Variants in GLRA2 observed in about 807,000 individuals in gnomAD.
GLRA2 encodes the protein glycine receptor alpha 2.
A neutral mutation model predicts 31.6 loss-of-function variants in GLRA2; 11 were observed. The ratio of observed to expected loss-of-function variants is 0.35; its 90% confidence interval spans 0.22 to 0.58. The LOEUF (loss-of-function observed/expected upper bound fraction) is 0.58. Ranked by LOEUF, GLRA2 falls within the 20% of genes least tolerant of loss-of-function variation. The pLI, the probability that GLRA2 is intolerant of heterozygous loss-of-function variation, is 0.84. For synonymous variants in GLRA2, 132 were observed against 134.0 expected (o/e 0.99, Z 0.10); for missense variants, 212 against 351.8 (o/e 0.60, Z 3.18).
Position 14,531,801 on chromosome X carries a change from A to G in GLRA2, c.69-438A>G, listed in dbSNP as rs1223934594. Among the ~76,000 whole-genome samples, 6 of 111,620 alleles carry G rather than the reference A, an allele frequency of 5.4e-5. No homozygotes were observed. The East Asian group carries it at 1.7e-3, about 31-fold the overall frequency. On this transcript the variant is annotated intron_variant, in intron 1 of 8. Coordinates refer to ENST00000218075, the MANE Select transcript of GLRA2 (RefSeq NM_002063.4). ...ATAAGTTTGTTCTGCCCATCTTATT[A>G]TATATTTCTTATAAAAGGTAGATGA...
the GLRA2 span, among the ~76,000 whole-genome samples, chrX:14,514,870 C>T: frequency 9.0e-6 from 1 of 110,568 alleles, no homozygotes; most frequent in Non-Finnish European, 1.9e-5. Flanking sequence ...ACAATCCTTG[C>T]CTTTCCTAAT....
chrX:14,684,307 T>C (rs1223697402), intron 7 of GLRA2, among the ~76,000 whole-genome samples: 2 of 111,654 alleles, frequency 1.8e-5, no homozygotes, highest in Admixed American at 1.9e-4. Flanking sequence ...AGGCTCTTTT[T>C]TGGTTCCATA....
At chrX:14,537,565 C>A (rs988414793) in intron 2 of GLRA2, among the ~76,000 whole-genome samples, 2 of 111,048 alleles carry the variant, frequency 1.8e-5, no homozygotes, top group African/African-American at 6.5e-5. Flanking sequence ...ATCCCTTGTC[C>A]AATAACTATT....
the GLRA2 span, among the ~76,000 whole-genome samples, chrX:14,490,335 A>T: frequency 8.9e-6 from 1 of 112,110 alleles, no homozygotes; most frequent in African/African-American, 3.2e-5. Context: ...GGCAGAAGGG[A>T]AGGCTAAAAC....
intron 4 of GLRA2, among the ~76,000 whole-genome samples, chrX:14,588,646 T>C (rs2090108492): frequency 8.9e-6 from 1 of 111,809 alleles, no homozygotes; most frequent in Non-Finnish European, 1.9e-5. Context: ...TTGATAGGAA[T>C]AGCATTGAAT....
chrX:14,676,240 G>A (rs2091144948), intron 7 of GLRA2, among the ~76,000 whole-genome samples: 2 of 112,896 alleles, frequency 1.8e-5, no homozygotes, highest in South Asian at 7.2e-4. Context: ...TTGTATAAAT[G>A]TAAGTGGCAC....
At chrX:14,698,301 G>A (rs1334413414) in intron 8 of GLRA2, among the ~76,000 whole-genome samples, 1 of 111,376 alleles carries the variant, frequency 9.0e-6, no homozygotes, top group African/African-American at 3.3e-5. Flanking sequence ...CTAGTTTGGG[G>A]CCCACCTAGT....
chrX:14,527,531 C>T, upstream of GLRA2, among the ~76,000 whole-genome samples: 1 of 109,137 alleles, frequency 9.2e-6, no homozygotes, highest in Middle Eastern at 4.7e-3. Flanking sequence ...AGGAGAATCG[C>T]TTGAACCCGG....
chrX:14,515,080 C>G, the GLRA2 span, among the ~76,000 whole-genome samples: 25 of 110,681 alleles, frequency 2.3e-4, no homozygotes, highest in East Asian at 6.8e-3. Flanking sequence ...CTAATGGTAG[C>G]AAGAATTTCA....
chrX:14,493,983 T>C, the GLRA2 span, among the ~76,000 whole-genome samples: 2 of 110,584 alleles, frequency 1.8e-5, no homozygotes, highest in Admixed American at 9.7e-5. Flanking sequence ...TTTCATACGA[T>C]GTAACATACA....
intron 2 of GLRA2, among the ~76,000 whole-genome samples, chrX:14,551,246 T>C (rs965725670): frequency 1.8e-5 from 2 of 111,966 alleles, no homozygotes; most frequent in African/African-American, 6.5e-5. Context: ...TGTGTTGTTA[T>C]ACACCAAGCC....
chrX:14,480,981 A>G, the GLRA2 span, among the ~76,000 whole-genome samples: 4 of 110,219 alleles, frequency 3.6e-5, no homozygotes, highest in Non-Finnish European at 3.8e-5. Context: ...TGGCCATTTT[A>G]ACGATATTGA....
At chrX:14,467,277 G>A in the GLRA2 span, among the ~76,000 whole-genome samples, 1 of 112,022 alleles carries the variant, frequency 8.9e-6, no homozygotes, top group East Asian at 2.8e-4. Context: ...CCAGGTCAAT[G>A]TTTCCCTAAC....
intron 2 of GLRA2, among the ~76,000 whole-genome samples, chrX:14,536,351 G>C (rs765377780): frequency 1.8e-5 from 2 of 111,671 alleles, no homozygotes; most frequent in African/African-American, 6.5e-5. Context: ...GAGCACAAGC[G>C]TCCACCAGGG....
intron 7 of GLRA2, among the ~76,000 whole-genome samples, chrX:14,681,874 A>C (rs2091205830): frequency 1.2e-5 from 1 of 85,557 alleles, no homozygotes; most frequent in Non-Finnish European, 2.3e-5. Context: ...CCTGGGCAAC[A>C]GTGCGAGACA....
chrX:14,479,268 G>A, the GLRA2 span, among the ~76,000 whole-genome samples: 1 of 112,027 alleles, frequency 8.9e-6, no homozygotes, highest in Non-Finnish European at 1.9e-5. Flanking sequence ...AGCATTACTG[G>A]GGACCATCGG....
chrX:14,536,195 C>T (rs1222713975), intron 2 of GLRA2, among the ~76,000 whole-genome samples: 4 of 111,958 alleles, frequency 3.6e-5, no homozygotes, highest in Non-Finnish European at 5.7e-5. Flanking sequence ...AAAGAGCTAG[C>T]AGTTCAAGAG....
At chrX:14,649,601 A>C (rs2147136708) in intron 7 of GLRA2, among the ~76,000 whole-genome samples, 1 of 112,258 alleles carries the variant, frequency 8.9e-6, no homozygotes, top group African/African-American at 3.2e-5. Context: ...ATGACCTTGT[A>C]ATTTAAAAAA....
the GLRA2 span, among the ~76,000 whole-genome samples, chrX:14,495,388 T>C: frequency 9.0e-6 from 1 of 110,941 alleles, no homozygotes; most frequent in Non-Finnish European, 1.9e-5. Context: ...TCTAAATCCC[T>C]TCAAATAGAA....
Sources: gnomAD v4.1 joint callset for allele counts (sites outside exome capture counted in the v4.1 genomes callset) on GRCh38, gnomAD v4.1.1 for gene constraint, MANE v1.5 for transcripts, NCBI Gene and HGNC (gene_info 2026-07-23, HGNC 2026-07-21) for gene names.